ZNF623: variants seen among roughly 807,000 people sequenced by gnomAD.
ZNF623 encodes zinc finger protein 623.
In ZNF623, 16 loss-of-function variants were observed where a neutral mutation model predicts 24.0. That is an observed-to-expected ratio of 0.67 (90% CI 0.45 to 1.01). ZNF623 has a LOEUF of 1.01. Among genes scored for constraint, ZNF623 ranks in the 50% least tolerant of loss-of-function variants. The pLI, the probability that ZNF623 is intolerant of heterozygous loss-of-function variation, is 0.00. For missense variants in ZNF623, 566 were observed against 606.5 expected (o/e 0.93, Z 0.70); for synonymous variants, 224 against 219.8 (o/e 1.02, Z -0.17).
chr8:143,648,484 G>C (rs1305961094), intron 1 of ZNF623, among the ~76,000 whole-genome samples: 1 of 152,046 alleles, frequency 6.6e-6, no homozygotes, highest in Non-Finnish European at 1.5e-5. Flanking sequence ...CTTTGAATGG[G>C]GCTGCGGAGG....
rs561105190 is a variant in ZNF623 at position 143,650,292 on chromosome 8, G to C, written c.300G>C (p.Arg100Ser). ...KTFTFNSDLV[R>S]HRISHAGEKP... ...TCACGTTTAATTCGGACCTAGTTAG[G>C]CATCGGATTTCGCATGCTGGGGAGA... The change falls in exon 2 of 2, where the codon AGG (arginine) becomes AGC (serine). Residue 100 changes from arginine to serine, a missense_variant. Arg to Ser is a moderately radical substitution (Grantham distance 110). Transcript: ENST00000526926. The surrounding 1 kb of genome is among the most constrained non-coding windows in gnomAD (Gnocchi z 5.2). 1.9e-5 allele frequency: 30 copies of C among 1,614,112 alleles called. No homozygotes were observed. Among genetic ancestry groups the C allele is most frequent in the Middle Eastern group, 1.6e-4 (1 of 6,084 alleles).
Position 143,649,904 on chromosome 8 carries a change from A to G in ZNF623, c.-89A>G. The G allele has an allele frequency of 2.5e-6, 4 of 1,606,900 alleles. No homozygotes were observed. Among genetic ancestry groups the G allele is most frequent in the South Asian group, 1.1e-5 (1 of 90,606 alleles). On this transcript the variant is annotated 5_prime_UTR_variant, in exon 2 of 2. An upstream start codon of the reference 5' UTR is lost. Transcript: ENST00000526926. ...TTGTTGTCTTTTGTTTCAGATTCTA[A>G]TGTAGGAACTGGTGAGAAGAAGGTG... is the stretch of plus-strand genomic sequence containing the variant.
In ZNF623 at chr8:143,651,458, A is replaced by C. The variant is rs778360539; in HGVS notation, c.1466A>C (p.Lys489Thr). The change falls in exon 2 of 2, where the codon AAG (lysine) becomes ACG (threonine). Residue 489 changes from lysine to threonine, a missense_variant. This residue lies in a region of ZNF623 where 136 missense variants were observed against 131.9 expected (regional missense o/e 1.03). Transcript: ENST00000526926. ...PIHLGERSVD[K>T]GEHTGNL The stretch of plus-strand genomic sequence containing the variant: ...CATTTGGGTGAGAGGTCTGTAGATA[A>C]GGGGGAACACACAGGTAACTTATAA... 2 of 1,588,508 alleles carry C rather than the reference A, an allele frequency of 1.3e-6. No homozygotes were observed. The highest frequency in any genetic ancestry group is 1.4e-5 in the African/African-American group (1 of 73,460).
intron 1 of ZNF623, among the ~76,000 whole-genome samples, chr8:143,644,637 C>G (rs1815129652): frequency 6.6e-6 from 1 of 151,990 alleles, no homozygotes; most frequent in South Asian, 2.1e-4. Context: ...CTCCTGTAAC[C>G]CCAGCACTTT....
At position 143,653,196 on chromosome 8, in the gene ZNF623, C is replaced by CAAACTGTTAGTCTTTACCTCTGA. The variant is rs1815379503; in HGVS notation, c.*1715_*1737dup. 1 of 167,032 alleles carries CAAACTGTTAGTCTTTACCTCTGA rather than the reference C, an allele frequency of 6.0e-6. No individual in the cohort carries two copies. Among genetic ancestry groups the CAAACTGTTAGTCTTTACCTCTGA allele is most frequent in the East Asian group, 1.9e-4 (1 of 5,202 alleles). 10.3% of individuals were successfully genotyped at this position (167,032 alleles called of 1,614,324 possible). A position where few individuals can be genotyped will look rare whatever the true frequency, so the allele number is the denominator to read the frequency against. Reference sequence around the variant, plus strand: ...AATGGACAGTGGACAGCCGCCTCGCCAAACTGTTAGTCTTTACCTCTGAAT... The same window carrying CAAACTGTTAGTCTTTACCTCTGA: ...AATGGACAGTGGACAGCCGCCTCGCCAAACTGTTAGTCTTTACCTCTGAAAACTGTTAGTCTTTACCTCTGAAT... On this transcript the variant is annotated 3_prime_UTR_variant, in exon 2 of 2. Coordinates refer to ENST00000526926, the MANE Select transcript of ZNF623 (RefSeq NM_001261843.2).
Position 143,652,676 on chromosome 8 carries a change from C to G in ZNF623, c.*1193C>G, listed in dbSNP as rs555202874. 6.0e-6 allele frequency: 1 copy of G among 167,120 alleles called. No individual in the cohort carries two copies. The highest frequency in any genetic ancestry group is 1.9e-4 in the East Asian group (1 of 5,188). The allele number at this position is 167,120 out of a possible 1,614,324, so 10.4% of individuals were successfully genotyped here. ...CTGGAACAGTGGGGACAGGAGGAGGCAGGTCTCAAGAGAAGGTCTTTACTT... is the reference window on the plus strand; with the variant it reads ...CTGGAACAGTGGGGACAGGAGGAGGGAGGTCTCAAGAGAAGGTCTTTACTT... On this transcript the variant is annotated 3_prime_UTR_variant, in exon 2 of 2. Coordinates refer to ENST00000526926, the MANE Select transcript of ZNF623 (RefSeq NM_001261843.2).
At chr8:143,643,276 C>T (rs1338178516) in intron 1 of ZNF623, among the ~76,000 whole-genome samples, 2 of 152,238 alleles carry the variant, frequency 1.3e-5, no homozygotes, top group Non-Finnish European at 2.9e-5. Context: ...GATGAGAGCT[C>T]AGCCCGATGA....
At chr8:143,642,359 G>A (rs1815074925) in intron 1 of ZNF623, among the ~76,000 whole-genome samples, 1 of 152,206 alleles carries the variant, frequency 6.6e-6, no homozygotes, top group South Asian at 2.1e-4. Context: ...AGTCACACCA[G>A]CTGTCGGGCA....
intron 1 of ZNF623, among the ~76,000 whole-genome samples, chr8:143,645,605 T>C (rs1241455880): frequency 1.3e-5 from 2 of 152,104 alleles, no homozygotes; most frequent in Non-Finnish European, 2.9e-5. Flanking sequence ...CGTTATAACA[T>C]CTATGAGGGA....
Position 143,650,660 on chromosome 8 carries a change from A to G in ZNF623, c.668A>G (p.Tyr223Cys). ...HQRIHTGERP[Y>C]ECNECGKSFI... ...AGGATTCACACGGGAGAAAGGCCCT[A>G]TGAGTGCAATGAATGTGGGAAATCC... is the stretch of plus-strand genomic sequence containing the variant. The change falls in exon 2 of 2, where the codon TAT becomes TGT. Residue 223 changes from tyrosine to cysteine, a missense_variant. By Grantham distance (194) the Tyr-to-Cys change is radical. Around this residue, in one of 3 missense-constraint regions of ZNF623, gnomAD observed 313 missense variants for 300.4 expected, o/e 1.04. Transcript: ENST00000526926. This position sits in a 1 kb window ranked among gnomAD's most constrained non-coding sequence, Gnocchi z 5.2. 1.9e-6 allele frequency: 3 copies of G among 1,614,116 alleles called. No homozygotes were observed. The highest frequency in any genetic ancestry group is 1.6e-4 in the Middle Eastern group (1 of 6,062).
intron 1 of ZNF623, among the ~76,000 whole-genome samples, chr8:143,638,486 A>G (rs1290131250): frequency 1.3e-5 from 2 of 151,980 alleles, no homozygotes; most frequent in East Asian, 3.9e-4. Flanking sequence ...ATCCAATCCC[A>G]GCACTTTGGG....
Sources: allele counts gnomAD v4.1 joint callset (sites outside exome capture counted in the v4.1 genomes callset), GRCh38; gene constraint gnomAD v4.1.1; regional missense constraint gnomAD v4.1.1; non-coding constraint Gnocchi (gnomAD v3.1); transcripts MANE v1.5; gene names NCBI Gene and HGNC (gene_info 2026-07-23, HGNC 2026-07-21).